Variants in SSB observed in about 807,000 individuals in gnomAD.
SSB encodes small RNA binding exonuclease protection factor La.
SSB carries 17 observed loss-of-function variants against 52.9 expected under a neutral mutation model. The observed-to-expected ratio is 0.32, with a 90% CI of 0.22 to 0.48. SSB has a LOEUF of 0.48. Among genes scored for constraint, SSB ranks in the 20% least tolerant of loss-of-function variants. The pLI is 0.99. For synonymous variants in SSB, 111 were observed against 152.1 expected (o/e 0.73, Z 1.99); for missense variants, 314 against 463.6 (o/e 0.68, Z 2.96).
At chr2:169,802,480 T>A (rs1689733006) in intron 2 of SSB, among the ~76,000 whole-genome samples, 1 of 152,160 alleles carries the variant, frequency 6.6e-6, no homozygotes, top group South Asian at 2.1e-4. Context: ...TTTTTTGGTA[T>A]TAATTTCTTT....
intron 8 of SSB, 124 bp from the exon 9 acceptor site, chr2:169,810,159 A>C (rs1031070392): frequency 3.8e-6 from 2 of 522,146 alleles, no homozygotes; most frequent in Non-Finnish European, 6.2e-6. Context: ...CGGCGGAAGA[A>C]ACTACTTTAA....
rs1056483701 is a variant in SSB, at chr2:169,809,073, G to C, written c.669+171G>C. 2.3e-5 allele frequency: 15 copies of C among 662,096 alleles called. 1 individual carries two copies. Among genetic ancestry groups the C allele is most frequent in the Non-Finnish European group, 3.6e-5 (13 of 359,408 alleles). The allele number at this position is 662,096 out of a possible 1,614,324, so 41.0% of individuals were successfully genotyped here. A position where few individuals can be genotyped will look rare whatever the true frequency, so the allele number is the denominator to read the frequency against. On this transcript the variant is annotated intron_variant, in intron 8 of 11. Transcript: ENST00000260956. ...GAGGGAAAAGAGAAAACTAAGGATA[G>C]GAAATATGTTCTAAAATATGGAAAA...
chr2:169,802,215 C>T (rs1327005142), intron 2 of SSB, among the ~76,000 whole-genome samples: 3 of 152,082 alleles, frequency 2.0e-5, no homozygotes, highest in South Asian at 2.1e-4. Flanking sequence ...TGAGAGTCTT[C>T]GTGAGCATAC....
intron 2 of SSB, among the ~76,000 whole-genome samples, chr2:169,802,546 A>G (rs1689734342): frequency 1.3e-5 from 2 of 152,316 alleles, no homozygotes; most frequent in East Asian, 3.9e-4. Flanking sequence ...TACTTAGAAC[A>G]ATACTAAGAT....
At chr2:169,805,867 A>G in intron 4 of SSB, 28 bp downstream of exon 4, 1 of 1,587,190 alleles carries the variant, frequency 6.3e-7, no homozygotes, top group Non-Finnish European at 8.6e-7. Context: ...GCATTTAAAT[A>G]TCTTACATTT....
intron 1 of SSB, among the ~76,000 whole-genome samples, chr2:169,799,966 T>C (rs1689673103): frequency 6.6e-6 from 1 of 152,224 alleles, no homozygotes; most frequent in Admixed American, 6.5e-5. Context: ...ACTTGGTTTG[T>C]AATTTCTAGC....
chr2:169,800,529 C>G, intron 1 of SSB, among the ~76,000 whole-genome samples: 1 of 17,180 alleles, frequency 5.8e-5, no homozygotes, highest in East Asian at 1.1e-3. Flanking sequence ...AGCGAGACTC[C>G]GTCTCAAAAA....
At chr2:169,810,616 TTTG>T (rs1470864997) in intron 9 of SSB, 193 bp downstream of exon 9, 2 of 676,130 alleles carry the variant, frequency 3.0e-6, no homozygotes, top group Non-Finnish European at 4.9e-6. Flanking sequence ...GATCATTTAC[TTTG>T]TTGTTATTGT....
intron 9 of SSB, 142 bp downstream of exon 9, chr2:169,810,565 T>A (rs1267532868): frequency 1.1e-5 from 9 of 791,708 alleles, no homozygotes; most frequent in African/African-American, 1.8e-5. Flanking sequence ...CTAGATGTGA[T>A]GTCTGATATT....
At chr2:169,808,398 G>A (rs1252937879) in intron 6 of SSB, 84 bp from the exon 7 acceptor site, 13 of 1,060,182 alleles carry the variant, frequency 1.2e-5, no homozygotes, top group Admixed American at 4.2e-5. Context: ...ATTCATTGCT[G>A]TGCCATGTCT....
chr2:169,799,271 A>G (rs1212975079), intron 1 of SSB: 1 of 118,698 alleles, frequency 8.4e-6, no homozygotes, highest in African/African-American at 3.2e-5. Context: ...CCTCATCCCC[A>G]TTGCGTCTTT....
chr2:169,806,953 TTTCC>T lies in SSB; in HGVS notation c.454-11_454-8del. The T allele has an allele frequency of 1.9e-6, 3 of 1,611,192 alleles. No individual in the cohort carries two copies. Among genetic ancestry groups the T allele is most frequent in the Non-Finnish European group, 2.5e-6 (3 of 1,178,964 alleles). On this transcript the variant is annotated splice_polypyrimidine_tract_variant and intron_variant, in intron 5 of 11. Transcript: ENST00000260956. ...TATGGGACATAACTTAAAAAAATAT[TTTCC>T]TTCCTTTTTACAGGGATCAATTTTT... is the stretch of plus-strand genomic sequence containing the variant.
Position 169,805,531 on chromosome 2 carries a change from C to T in SSB, c.124C>T (p.Leu42=). The change falls in exon 3 of 12, where the codon CTG becomes TTG. Residue 42 remains leucine (L), a synonymous_variant. Transcript: ENST00000260956. ...RDKFLKEQIK[L]DEGWVPLEIM... ...CAAGTTTCTAAAGGAACAGATAAAA[C>T]TGGATGAAGGCTGGGTACCTTTGGA... The T allele has an allele frequency of 6.2e-7, 1 of 1,613,978 alleles. No individual in the cohort carries two copies. The highest frequency in any genetic ancestry group is 1.1e-5 in the South Asian group (1 of 91,078).
chr2:169,811,302 C>T lies in SSB; in HGVS notation c.1117C>T (p.His373Tyr), dbSNP rs759308232. 1.9e-6 allele frequency: 3 copies of T among 1,592,050 alleles called. No individual in the cohort carries two copies. The highest frequency in any genetic ancestry group is 2.6e-6 in the Non-Finnish European group (3 of 1,172,568). ...TGCTAGTGATGATGAACATGATGAA[C>T]ATGATGAAAATGGTGCAACTGGTAA... Reference protein sequence around the residue: ...KFASDDEHDEHDENGATGPVK... With the variant: ...KFASDDEHDEYDENGATGPVK... Residue 373 changes from histidine (H) to tyrosine (Y), a missense_variant, in exon 11 of 12, where the codon CAT becomes TAT. Transcript: ENST00000260956.
At chr2:169,807,548 CAA>C (rs1689853886) in intron 6 of SSB, among the ~76,000 whole-genome samples, 1 of 152,138 alleles carries the variant, frequency 6.6e-6, no homozygotes, top group African/African-American at 2.4e-5. Flanking sequence ...CTTGGCCTCC[CAA>C]AGTGTTGGGA....
At chr2:169,804,409 TTTTA>T (rs971798782) in intron 2 of SSB, among the ~76,000 whole-genome samples, 5 of 151,776 alleles carry the variant, frequency 3.3e-5, no homozygotes, top group African/African-American at 4.8e-5. Context: ...TTCTTATTTA[TTTTA>T]TTTATTTATT....
At chr2:169,810,822 CA>C in intron 9 of SSB, 35 bp from the exon 10 acceptor site, 2 of 1,553,632 alleles carry the variant, frequency 1.3e-6, no homozygotes, top group Non-Finnish European at 1.7e-6. Flanking sequence ...GACTAAAAAC[CA>C]AGGGTATGGC....
At chr2:169,799,893 G>C (rs1216193069) in intron 1 of SSB, among the ~76,000 whole-genome samples, 1 of 151,838 alleles carries the variant, frequency 6.6e-6, no homozygotes, top group Non-Finnish European at 1.5e-5. Context: ...CATAACTTTT[G>C]TACAGTTGGG....
chr2:169,799,402 A>G (rs376222127), intron 1 of SSB: 2 of 149,388 alleles, frequency 1.3e-5, no homozygotes, highest in Non-Finnish European at 2.9e-5. Context: ...TGTGGAGCCT[A>G]TGGGACTGAC....
Sources: gnomAD v4.1 joint callset for allele counts (sites outside exome capture counted in the v4.1 genomes callset) on GRCh38, gnomAD v4.1.1 for gene constraint, MANE v1.5 for transcripts, NCBI Gene and HGNC (gene_info 2026-07-23, HGNC 2026-07-21) for gene names.